Variants in CDHR2 observed in about 807,000 individuals in gnomAD.
The protein encoded by CDHR2 is cadherin related family member 2, also known as cadherin-related family member 2.
A neutral mutation model predicts 138.6 loss-of-function variants in CDHR2; 104 were observed. That is an observed-to-expected ratio of 0.75 (90% CI 0.64 to 0.88). The LOEUF is 0.88. Ranked by LOEUF, CDHR2 falls within the 40% of genes least tolerant of loss-of-function variation. The pLI is 0.00. For missense variants in CDHR2, 1,624 were observed against 1,727.6 expected, an observed-to-expected ratio of 0.94 and a Z score of 1.06; for synonymous variants, 755 against 742.8, an observed-to-expected ratio of 1.02 and a Z score of -0.27.
At chr5:176,571,331 G>GC in intron 6 of CDHR2, 29 bp downstream of exon 6, 1 of 1,532,932 alleles carries the variant, frequency 6.5e-7, no homozygotes, top group Non-Finnish European at 8.9e-7. Flanking sequence ...TGGTTGTGGG[G>GC]CAGGGGGCAT....
intron 5 of CDHR2, among the ~76,000 whole-genome samples, 183 bp downstream of exon 5, chr5:176,569,193 T>C (rs1434725861): frequency 6.6e-6 from 1 of 152,068 alleles, no homozygotes; most frequent in Non-Finnish European, 1.5e-5. Flanking sequence ...TTTTTAAAAT[T>C]TATTTAAATT....
intron 21 of CDHR2, among the ~76,000 whole-genome samples, chr5:176,588,203 AGTGT>A (rs34456498): frequency 1.7e-4 from 26 of 151,798 alleles, no homozygotes; most frequent in Non-Finnish European, 2.7e-4. Flanking sequence ...TGTGCACGCC[AGTGT>A]GTGTGTGTCT....
At chr5:176,554,746 C>T (rs1046599118) in intron 1 of CDHR2, among the ~76,000 whole-genome samples, 38 of 152,174 alleles carry the variant, frequency 2.5e-4, no homozygotes, top group Admixed American at 9.2e-4. Context: ...CTGCAACCTC[C>T]ACCTCCCGGG....
chr5:176,589,475 C>T (rs760309322), intron 23 of CDHR2, 37 bp downstream of exon 23: 1 of 1,611,748 alleles, frequency 6.2e-7, no homozygotes, highest in Non-Finnish European at 8.5e-7. Flanking sequence ...CCAACGCCCT[C>T]TGCCAGCCCC....
chr5:176,565,269 G>C, intron 1 of CDHR2, 69 bp from the exon 2 acceptor site: 1 of 1,155,658 alleles, frequency 8.7e-7, no homozygotes, highest in African/African-American at 1.5e-5. Flanking sequence ...GTCAGACCCA[G>C]GCAGATGGGA....
chr5:176,551,559 C>A (rs771486035), intron 1 of CDHR2, among the ~76,000 whole-genome samples: 4 of 152,298 alleles, frequency 2.6e-5, no homozygotes, highest in African/African-American at 9.6e-5. Context: ...GGCGCGATCT[C>A]GGCTCACTGC....
At chr5:176,571,828 G>A (rs1191825888) in intron 6 of CDHR2, among the ~76,000 whole-genome samples, 2 of 152,086 alleles carry the variant, frequency 1.3e-5, no homozygotes, top group East Asian at 1.9e-4. Context: ...GAGCCACTGC[G>A]CCCAGCCTCG....
intron 31 of CDHR2, among the ~76,000 whole-genome samples, chr5:176,593,725 C>G (rs1441956430): frequency 6.6e-6 from 1 of 152,226 alleles, no homozygotes; most frequent in African/African-American, 2.4e-5. Flanking sequence ...AACCTGACTT[C>G]ATGGTTCAGA....
intron 19 of CDHR2, 81 bp from the exon 20 acceptor site, chr5:176,585,873 C>A: frequency 9.2e-7 from 1 of 1,091,632 alleles, no homozygotes; most frequent in Non-Finnish European, 1.4e-6. Flanking sequence ...GGGGTTGAGG[C>A]TGTGGGGCAC....
chr5:176,552,999 G>A (rs1318419277), intron 1 of CDHR2, among the ~76,000 whole-genome samples: 7 of 152,208 alleles, frequency 4.6e-5, no homozygotes, highest in Non-Finnish European at 8.8e-5. Flanking sequence ...GTTGCTCTGA[G>A]TGAGGGTCCC....
At chr5:176,581,167 A>G (rs1044672242) in intron 16 of CDHR2, among the ~76,000 whole-genome samples, 176 bp from the exon 17 acceptor site, 5 of 152,148 alleles carry the variant, frequency 3.3e-5, no homozygotes, top group Non-Finnish European at 7.3e-5. Flanking sequence ...AGCTCTTGCA[A>G]ACTGCTGACC....
Position 176,568,674 on chromosome 5 carries a change from C to G in CDHR2, c.125-4C>G. 6.2e-7 allele frequency: 1 copy of G among 1,613,902 alleles called. No homozygotes were observed. The highest frequency in any genetic ancestry group is 8.5e-7 in the Non-Finnish European group (1 of 1,179,862). ...ACCCTGGGTGGCCCCTGTCCCATCC[C>G]CAGGTGCCCAGGCCTTCTGGTTGGT... is the stretch of plus-strand genomic sequence containing the variant. On this transcript the variant is annotated splice_region_variant and splice_polypyrimidine_tract_variant and intron_variant, in intron 3 of 31. Coordinates refer to ENST00000261944, the MANE Select transcript of CDHR2 (RefSeq NM_017675.6).
In CDHR2 at chr5:176,584,722, G is replaced by C. The variant is rs551819134; in HGVS notation, c.2441G>C (p.Arg814Pro). The stretch of plus-strand genomic sequence containing the variant: ...CCCACCCTGGATGTAGCCTCACTCC[G>C]GGGCATCCGTGTGGCTGAGAATGGC... The part of the protein sequence containing the change: ...NPPTLDVASL[R>P]GIRVAENGSQ... Residue 814 changes from arginine to proline, a missense_variant, in exon 19 of 32, where the codon CGG becomes CCG. Transcript: ENST00000261944. 2 of 1,614,046 alleles carry C rather than the reference G, an allele frequency of 1.2e-6. No homozygotes were observed. The highest frequency in any genetic ancestry group is 2.2e-5 in the East Asian group (1 of 44,902).
At chr5:176,549,773 C>G (rs1757663889) in intron 1 of CDHR2, among the ~76,000 whole-genome samples, 1 of 152,170 alleles carries the variant, frequency 6.6e-6, no homozygotes, top group African/African-American at 2.4e-5. Context: ...GGGAAGCTGA[C>G]CTGGGCTCTT....
chr5:176,561,970 G>A (rs1757977331), intron 1 of CDHR2, among the ~76,000 whole-genome samples: 1 of 152,090 alleles, frequency 6.6e-6, no homozygotes, highest in African/African-American at 2.4e-5. Flanking sequence ...TGAAGAGAGT[G>A]CATCAGCCAG....
intron 21 of CDHR2, among the ~76,000 whole-genome samples, chr5:176,588,415 G>GTGTGAGTGTA (rs370266277): frequency 0.031 from 4,121 of 130,854 alleles, 183 homozygotes; most frequent in African/African-American, 0.098. Context: ...GAGAGTGAGG[G>GTGTGAGTGTA]TGTGAGTGTG....
At chr5:176,570,865 T>C (rs13359154) in intron 5 of CDHR2, among the ~76,000 whole-genome samples, 36,943 of 151,104 alleles carry the variant, frequency 0.24, 4,807 homozygotes, top group East Asian at 0.48. Flanking sequence ...GCAGGAGAAT[T>C]GCTTGAACCT....
At chr5:176,585,932 G>C (rs1272016474) in intron 19 of CDHR2, 22 bp from the exon 20 acceptor site, 1 of 1,605,604 alleles carries the variant, frequency 6.2e-7, no homozygotes, top group Admixed American at 1.7e-5. Context: ...CAGAGCCAAA[G>C]CCAGCTGACC....
At chr5:176,575,249 C>T (rs773164368) in intron 8 of CDHR2, 31 bp from the exon 9 acceptor site, 30 of 1,614,098 alleles carry the variant, frequency 1.9e-5, no homozygotes, top group Admixed American at 5.0e-5. Flanking sequence ...GGACCCACGG[C>T]GCTGGCTCAC....
Sources: allele counts gnomAD v4.1 joint callset (sites outside exome capture counted in the v4.1 genomes callset), GRCh38; gene constraint gnomAD v4.1.1; transcripts MANE v1.5; gene names NCBI Gene and HGNC (gene_info 2026-07-23, HGNC 2026-07-21).